B3GAT2: variants seen among roughly 807,000 people sequenced by gnomAD.
B3GAT2 encodes the protein galactosylgalactosylxylosylprotein 3-beta-glucuronosyltransferase 2.
A neutral mutation model predicts 27.8 loss-of-function variants in B3GAT2; 26 were observed. The ratio of observed to expected loss-of-function variants is 0.93; its 90% CI spans 0.68 to 1.30. The LOEUF is 1.30. Among genes scored for constraint, B3GAT2 ranks in the 50% most tolerant of loss-of-function variants. B3GAT2 has a pLI of 0.00. For missense variants in B3GAT2, 458 were observed against 459.0 expected (o/e 1.00, Z 0.02); for synonymous variants, 218 against 195.1 (o/e 1.12, Z -0.98).
At chr6:70,935,929 A>T (rs1424504382) in intron 1 of B3GAT2, among the ~76,000 whole-genome samples, 2 of 151,826 alleles carry the variant, frequency 1.3e-5, no homozygotes, top group East Asian at 3.9e-4. Flanking sequence ...AAATGGACTA[A>T]ATGCTCCAAT....
chr6:70,911,188 T>C (rs1422372802), intron 1 of B3GAT2, among the ~76,000 whole-genome samples: 1 of 152,218 alleles, frequency 6.6e-6, no homozygotes, highest in Non-Finnish European at 1.5e-5. Flanking sequence ...CTTGCCGTTT[T>C]TTTGTTGCAA....
At chr6:70,914,833 C>A (rs1330509152) in intron 1 of B3GAT2, among the ~76,000 whole-genome samples, 1 of 152,058 alleles carries the variant, frequency 6.6e-6, no homozygotes, top group Non-Finnish European at 1.5e-5. Context: ...GGTTCCAAGT[C>A]TTTGCTATTG....
chr6:70,938,340 A>G (rs1765331123), intron 1 of B3GAT2, among the ~76,000 whole-genome samples: 1 of 146,662 alleles, frequency 6.8e-6, no homozygotes, highest in African/African-American at 2.5e-5. Context: ...AAGGTAATTT[A>G]TAGATTCAAT....
At position 70,857,970 on chromosome 6, in the gene B3GAT2, C is replaced by T; in HGVS notation, c.*3693G>A. On this transcript the variant is annotated 3_prime_UTR_variant, in exon 4 of 4. Transcript: ENST00000230053. ...ATACCATTTACCTCACAAGCACCAG[C>T]TGCATTTCAGGGCTTTCCATCGATG... is the stretch of plus-strand genomic sequence containing the variant. 1 of 1,614,150 alleles carries T rather than the reference C, an allele frequency of 6.2e-7. No individual in the cohort carries two copies. The highest frequency in any genetic ancestry group is 8.5e-7 in the Non-Finnish European group (1 of 1,180,000).
At chr6:70,899,192 C>T (rs572504613) in intron 1 of B3GAT2, among the ~76,000 whole-genome samples, 1 of 152,114 alleles carries the variant, frequency 6.6e-6, no homozygotes, top group East Asian at 1.9e-4. Flanking sequence ...GAATAATAAA[C>T]TATACCTGTG....
intron 2 of B3GAT2, among the ~76,000 whole-genome samples, chr6:70,888,883 C>T (rs1441837920): frequency 6.6e-6 from 1 of 152,216 alleles, no homozygotes; most frequent in African/African-American, 2.4e-5. Flanking sequence ...CAAGACCTTT[C>T]CCGAAACTCC....
intron 1 of B3GAT2, among the ~76,000 whole-genome samples, chr6:70,912,356 A>C (rs1300426269): frequency 6.6e-6 from 1 of 152,074 alleles, no homozygotes; most frequent in African/African-American, 2.4e-5. Flanking sequence ...TTTTGCATTC[A>C]ATAGATGTAT....
chr6:70,896,293 C>T (rs931425701), intron 1 of B3GAT2, among the ~76,000 whole-genome samples: 7 of 152,114 alleles, frequency 4.6e-5, no homozygotes, highest in Admixed American at 3.3e-4. Context: ...TATCCTTCTA[C>T]GTCAGTGTAA....
chr6:70,914,402 G>A (rs750739423), intron 1 of B3GAT2, among the ~76,000 whole-genome samples: 9 of 152,078 alleles, frequency 5.9e-5, no homozygotes, highest in Non-Finnish European at 1.3e-4. Context: ...CTGTCCTTGT[G>A]ATAGTTTGCT....
At chr6:70,935,114 G>C (rs1265714840) in intron 1 of B3GAT2, among the ~76,000 whole-genome samples, 2 of 151,764 alleles carry the variant, frequency 1.3e-5, no homozygotes, top group African/African-American at 4.8e-5. Flanking sequence ...AAAATTCTGA[G>C]GAGGAATGAA....
At position 70,913,238 on chromosome 6, in the gene B3GAT2, T is replaced by C. The variant is rs371955094; in HGVS notation, c.592-18966A>G. 5.9e-5 allele frequency among the ~76,000 whole-genome samples: 9 copies of C among 152,260 alleles called. No individual in the cohort carries two copies. The East Asian group carries it at 1.4e-3, about 23-fold the overall frequency. On this transcript the variant is annotated intron_variant, in intron 1 of 3. Transcript: ENST00000230053. ...GGTTTGCTCTTGTTTTTCTAGTTCC[T>C]CTAGGTGCAATGTTAGGCTGTTAAT... is the stretch of plus-strand genomic sequence containing the variant.
Position 70,956,450 on chromosome 6 carries a change from T to C in B3GAT2, c.-21A>G, listed in dbSNP as rs1765659839. The stretch of plus-strand genomic sequence containing the variant: ...TTCATGGTGCACGCTCCCTGGCCTC[T>C]CGGACACCCCAGAGAGGGGCGAGCC... On this transcript the variant is annotated 5_prime_UTR_variant, in exon 1 of 4. Coordinates refer to ENST00000230053, the MANE Select transcript of B3GAT2 (RefSeq NM_080742.3). The C allele has an allele frequency of 6.5e-7, 1 of 1,550,260 alleles. No individual in the cohort carries two copies. Among genetic ancestry groups the C allele is most frequent in the African/African-American group, 1.4e-5 (1 of 73,002 alleles).
At chr6:70,913,039 G>T (rs757534881) in intron 1 of B3GAT2, among the ~76,000 whole-genome samples, 1 of 152,048 alleles carries the variant, frequency 6.6e-6, no homozygotes, top group Non-Finnish European at 1.5e-5. Context: ...TTCTGATTAA[G>T]TTTATTTGGA....
Position 70,857,309 on chromosome 6 carries a change from T to C in B3GAT2, c.*4354A>G, listed in dbSNP as rs947279560. 2 of 253,236 alleles carry C rather than the reference T, an allele frequency of 7.9e-6. No individual in the cohort carries two copies. Among genetic ancestry groups the C allele is most frequent in the African/African-American group, 4.4e-5 (2 of 45,168 alleles). The allele number at this position is 253,236 out of a possible 1,614,324, so 15.7% of individuals were successfully genotyped here. On this transcript the variant is annotated 3_prime_UTR_variant, in exon 4 of 4. Transcript: ENST00000230053. Reference sequence around the variant, plus strand: ...TAGAACATGGATTATCTTTGATGAATTATTGAAACGATTTGCATGAAGTTT... The same window carrying C: ...TAGAACATGGATTATCTTTGATGAACTATTGAAACGATTTGCATGAAGTTT...
intron 2 of B3GAT2, among the ~76,000 whole-genome samples, chr6:70,893,429 C>T (rs546194219): frequency 2.0e-5 from 3 of 151,238 alleles, no homozygotes; most frequent in African/African-American, 7.3e-5. Context: ...GCCTCTGAGC[C>T]TCATGTTTCA....
chr6:70,888,371 T>G (rs559679368), intron 2 of B3GAT2, among the ~76,000 whole-genome samples: 1 of 152,230 alleles, frequency 6.6e-6, no homozygotes, highest in South Asian at 2.1e-4. Flanking sequence ...CCAATTAAAA[T>G]TAACCAAACT....
chr6:70,895,992 T>C (rs887106003), intron 1 of B3GAT2, among the ~76,000 whole-genome samples: 12 of 152,206 alleles, frequency 7.9e-5, no homozygotes, highest in Non-Finnish European at 1.8e-4. Flanking sequence ...CCTACCCTTA[T>C]AAGGTTATTT....
intron 2 of B3GAT2, among the ~76,000 whole-genome samples, chr6:70,891,094 G>A (rs1350391030): frequency 2.6e-5 from 4 of 152,290 alleles, no homozygotes; most frequent in African/African-American, 9.6e-5. Context: ...CTTCAAAACA[G>A]AGCTAAAACC....
rs1004154647 is a variant in B3GAT2, at chr6:70,955,449, G to A, written c.591+390C>T. Among the ~76,000 whole-genome samples, 6 of 141,306 alleles carry A rather than the reference G, an allele frequency of 4.2e-5. No homozygotes were observed. The East Asian group carries it at 1.3e-3, about 30-fold the overall frequency. 92.7% of individuals were successfully genotyped at this position (141,306 alleles called of 152,430 possible). On this transcript the variant is annotated intron_variant, in intron 1 of 3. Coordinates refer to ENST00000230053, the MANE Select transcript of B3GAT2 (RefSeq NM_080742.3). Reference sequence around the variant, plus strand: ...CCCCTCCACCGCCACCCGCTACGGTGCAGGTCCCTCCCTGATCTCCTATCG... The same window carrying A: ...CCCCTCCACCGCCACCCGCTACGGTACAGGTCCCTCCCTGATCTCCTATCG...
Sources: allele counts gnomAD v4.1 joint callset (sites outside exome capture counted in the v4.1 genomes callset), GRCh38; gene constraint gnomAD v4.1.1; transcripts MANE v1.5; gene names NCBI Gene and HGNC (gene_info 2026-07-23, HGNC 2026-07-21).